Variants in ING1 observed in about 807,000 individuals in gnomAD.
ING1 encodes the protein inhibitor of growth protein 1.
Under a neutral mutation model 23.1 loss-of-function variants are expected in ING1, and 4 were observed. The observed-to-expected ratio is 0.17, with a 90% CI of 0.09 to 0.40. The LOEUF (loss-of-function observed/expected upper bound fraction) is 0.40, where lower values mean the gene tolerates loss of function less well. Ranked by LOEUF, ING1 falls within the 10% of genes least tolerant of loss-of-function variation. ING1 has a pLI of 1.00. For synonymous variants in ING1, 179 were observed against 166.4 expected (o/e 1.08, Z -0.58); for missense variants, 256 against 393.8 (o/e 0.65, Z 2.96).
At chr13:110,717,018 C>T (rs1370882327) in intron 1 of ING1, among the ~76,000 whole-genome samples, 3 of 152,142 alleles carry the variant, frequency 2.0e-5, no homozygotes, top group African/African-American at 2.4e-5. Context: ...TTAGGCTTCA[C>T]CTGGATGGAA....
In ING1 at chr13:110,713,797, G is replaced by A; in HGVS notation, c.-353G>A. Reference sequence around the variant, plus strand: ...CTCTCTTCTACCCAGCCCAGTGGGCGAGTGGGCAGCGGCGGCCGCGGCGCT... The same window carrying A: ...CTCTCTTCTACCCAGCCCAGTGGGCAAGTGGGCAGCGGCGGCCGCGGCGCT... On this transcript the variant is annotated 5_prime_UTR_variant, in exon 1 of 2. Transcript: ENST00000333219. The A allele has an allele frequency of 1.0e-6, 1 of 984,578 alleles. No homozygotes were observed. Among genetic ancestry groups the A allele is most frequent in the Non-Finnish European group, 1.2e-6 (1 of 829,522 alleles). 61.0% of individuals were successfully genotyped at this position (984,578 alleles called of 1,614,324 possible).
chr13:110,715,015 G>T (rs1280596357), intron 1 of ING1: 3 of 993,936 alleles, frequency 3.0e-6, no homozygotes, highest in Admixed American at 6.1e-5. Context: ...TCTGCGCTGC[G>T]CTCGGGGGGG....
chr13:110,713,487 G>T (rs1175617386), upstream of ING1: 1 of 987,748 alleles, frequency 1.0e-6, no homozygotes, highest in Non-Finnish European at 1.2e-6. Flanking sequence ...CGGCCCTGAC[G>T]CTGTCCCCTC....
intron 1 of ING1, chr13:110,714,867 C>A: frequency 3.3e-6 from 2 of 597,934 alleles, no homozygotes; most frequent in Non-Finnish European, 2.1e-6. Flanking sequence ...CCGGCCCTCA[C>A]TTGGAGCTGG....
At chr13:110,713,157 A>G, upstream of ING1, 3 of 1,430,616 alleles carry the variant, frequency 2.1e-6, no homozygotes, top group Non-Finnish European at 2.7e-6. Context: ...CCTCCTCTTC[A>G]TCGTGATTGG....
In ING1 at chr13:110,723,199, G is replaced by A. The variant is rs2064181926; in HGVS notation, c.*3267G>A. On this transcript the variant is annotated 3_prime_UTR_variant, in exon 2 of 2. Transcript: ENST00000333219. ...TGAGAGAGGTGCTGCAGGAGTCACA[G>A]ACCTGCAGGCACGCACTTGCCAGTG... The A allele has an allele frequency of 2.0e-5, 3 of 152,298 alleles. No homozygotes were observed. Among genetic ancestry groups the A allele is most frequent in the Admixed American group, 6.5e-5 (1 of 15,294 alleles). The allele number at this position is 152,298 out of a possible 1,614,324, so 9.4% of individuals were successfully genotyped here. A position where few individuals can be genotyped will look rare whatever the true frequency, so the allele number is the denominator to read the frequency against.
chr13:110,712,665 G>C (rs2064044602), upstream of ING1: 1 of 637,312 alleles, frequency 1.6e-6, no homozygotes, highest in African/African-American at 1.8e-5. Flanking sequence ...CCGGGGAGCT[G>C]AATGGCCTCA....
chr13:110,712,810 C>G (rs542739889), upstream of ING1: 76 of 811,468 alleles, frequency 9.4e-5, 2 homozygotes, highest in East Asian at 1.9e-3. Flanking sequence ...GGCCTATCCA[C>G]CTCTTCTGGG....
chr13:110,714,225 C>T lies in ING1; in HGVS notation c.76C>T (p.Leu26=), dbSNP rs572036010. The change falls in exon 1 of 2, where the codon CTG becomes TTG. Residue 26 remains leucine, a synonymous_variant. Coordinates refer to ENST00000333219, the MANE Select transcript of ING1 (RefSeq NM_198219.3). The stretch of plus-strand genomic sequence containing the variant: ...GGACTACCTGGACTCCATCGAGTCC[C>T]TGCCTTTCGACTTGCAGAGAAATGT... The part of the protein sequence containing the change: ...VEDYLDSIES[L]PFDLQRNVSL... 1 of 1,578,112 alleles carries T rather than the reference C, an allele frequency of 6.3e-7. No homozygotes were observed. Among genetic ancestry groups the T allele is most frequent in the South Asian group, 1.1e-5 (1 of 87,384 alleles).
intron 1 of ING1, chr13:110,714,958 T>C: frequency 1.0e-6 from 1 of 976,994 alleles, no homozygotes; most frequent in Non-Finnish European, 1.2e-6. Context: ...CTGTGTGCCG[T>C]AGGGAAGGGA....
Position 110,713,827 on chromosome 13 carries a change from CCT to C in ING1, c.-319_-318del. 1.0e-6 allele frequency: 1 copy of C among 983,108 alleles called. No individual in the cohort carries two copies. 60.9% of individuals were successfully genotyped at this position (983,108 alleles called of 1,614,324 possible). A position where few individuals can be genotyped will look rare whatever the true frequency, so the allele number is the denominator to read the frequency against. On this transcript the variant is annotated 5_prime_UTR_variant, in exon 1 of 2. Coordinates refer to ENST00000333219, the MANE Select transcript of ING1 (RefSeq NM_198219.3). ...GGCAGCGGCGGCCGCGGCGCTGGGC[CCT>C]CTCCCGCCGGTGTGTGCGCGCTCGT... is the stretch of plus-strand genomic sequence containing the variant.
intron 1 of ING1, chr13:110,715,234 A>C (rs537569474): frequency 1.5e-6 from 2 of 1,308,472 alleles, no homozygotes; most frequent in African/African-American, 3.0e-5. Flanking sequence ...GGAGTTTACT[A>C]ATGTTTACAA....
At chr13:110,713,068 C>A (rs1230655048), upstream of ING1, 15 of 1,448,238 alleles carry the variant, frequency 1.0e-5, no homozygotes, top group Non-Finnish European at 1.4e-5. Context: ...CGTGCCCGGC[C>A]CTCCCCTTCC....
chr13:110,723,116 G>A lies in ING1; in HGVS notation c.*3184G>A, dbSNP rs939052740. 1 of 152,212 alleles carries A rather than the reference G, an allele frequency of 6.6e-6. No individual in the cohort carries two copies. Among genetic ancestry groups the A allele is most frequent in the Non-Finnish European group, 1.5e-5 (1 of 68,042 alleles). 9.4% of individuals were successfully genotyped at this position (152,212 alleles called of 1,614,324 possible). On this transcript the variant is annotated 3_prime_UTR_variant, in exon 2 of 2. Transcript: ENST00000333219. ...TTGTAAACTGGACTAAAGAAACGTT[G>A]TATGTTCAAGGAAGTGTTGAGCAGC...
In ING1 at chr13:110,719,644, C is replaced by G. The variant is rs753333733; in HGVS notation, c.552C>G (p.Ser184=). ...CCAAGGAGAAGAAGGCCAAGACCTCCAAGAAGAAGAAGCGCTCCAAGGCCA... is the reference window on the plus strand; with the variant it reads ...CCAAGGAGAAGAAGGCCAAGACCTCGAAGAAGAAGAAGCGCTCCAAGGCCA... ...GTPKEKKAKT[S]KKKKRSKAKA... The change falls in exon 2 of 2, where the codon TCC becomes TCG. Residue 184 remains serine (S), a synonymous_variant. Transcript: ENST00000333219. The surrounding 1 kb of genome is among the most constrained non-coding windows in gnomAD (Gnocchi z 8.9). 3 of 1,612,448 alleles carry G rather than the reference C, an allele frequency of 1.9e-6. No homozygotes were observed. The highest frequency in any genetic ancestry group is 4.5e-5 in the East Asian group (2 of 44,828).
Position 110,719,094 on chromosome 13 carries a change from T to A in ING1, c.137-135T>A. The A allele has an allele frequency of 1.4e-6, 1 of 710,168 alleles. No individual in the cohort carries two copies. Among genetic ancestry groups the A allele is most frequent in the Non-Finnish European group, 2.3e-6 (1 of 430,120 alleles). 44.0% of individuals were successfully genotyped at this position (710,168 alleles called of 1,614,324 possible). A position where few individuals can be genotyped will look rare whatever the true frequency, so the allele number is the denominator to read the frequency against. On this transcript the variant is annotated intron_variant, in intron 1 of 1. Coordinates refer to ENST00000333219, the MANE Select transcript of ING1 (RefSeq NM_198219.3). The surrounding 1 kb of genome is among the most constrained non-coding windows in gnomAD (Gnocchi z 8.9). ...AGATAGGCCCGGGAGAGCCTGTGGC[T>A]GGTGGGCTTTGTTCTGGGCAAGCCG... is the stretch of plus-strand genomic sequence containing the variant.
At chr13:110,715,458 A>G (rs199539276) in intron 1 of ING1, 40 of 1,599,770 alleles carry the variant, frequency 2.5e-5, no homozygotes, top group Non-Finnish European at 3.0e-5. Flanking sequence ...CCTTCGTGGA[A>G]TGTCCTTATC....
intron 1 of ING1, among the ~76,000 whole-genome samples, chr13:110,718,970 C>T (rs970689427): frequency 9.9e-5 from 15 of 152,050 alleles, no homozygotes; most frequent in African/African-American, 3.1e-4. Flanking sequence ...TTCTCAGGTT[C>T]CCTGGGGTGG....
chr13:110,712,733 C>A (rs2064046076), upstream of ING1: 2 of 696,284 alleles, frequency 2.9e-6, no homozygotes, highest in Non-Finnish European at 5.2e-6. Context: ...GTGTGGGGAG[C>A]GGCCTCCGAG....
Sources: allele counts gnomAD v4.1 joint callset (sites outside exome capture counted in the v4.1 genomes callset), GRCh38; gene constraint gnomAD v4.1.1; non-coding constraint Gnocchi (gnomAD v3.1); transcripts MANE v1.5; gene names NCBI Gene and HGNC (gene_info 2026-07-23, HGNC 2026-07-21).